ZNG1B: variants seen among roughly 807,000 people sequenced by gnomAD.
ZNG1B encodes Zn regulated GTPase metalloprotein activator 1B, also known as zinc-regulated GTPase metalloprotein activator 1B.
the ZNG1B span, among the ~76,000 whole-genome samples, chr2:113,442,239 A>G: frequency 2.0e-5 from 3 of 151,558 alleles, no homozygotes; most frequent in African/African-American, 7.3e-5. Context: ...ATCTGTGAAA[A>G]TAAGTGTGCT....
the ZNG1B span, among the ~76,000 whole-genome samples, chr2:113,479,817 C>CTTT: frequency 1.5e-5 from 2 of 135,652 alleles, no homozygotes; most frequent in Non-Finnish European, 3.2e-5. Context: ...ATTTGCCTTT[C>CTTT]TTTTTTTTTT....
chr2:113,485,982 G>A, the ZNG1B span, among the ~76,000 whole-genome samples: 25,830 of 122,982 alleles, frequency 0.21, 3,063 homozygotes, highest in East Asian at 0.43. Flanking sequence ...ATACATGGAA[G>A]AAGGAGTTAA....
the ZNG1B span, among the ~76,000 whole-genome samples, chr2:113,457,860 T>C: frequency 9.8e-5 from 14 of 143,126 alleles, no homozygotes; most frequent in Middle Eastern, 0.014. Flanking sequence ...CCATGACTTA[T>C]GCATCTTGTA....
chr2:113,457,881 T>G, the ZNG1B span, among the ~76,000 whole-genome samples: 1 of 143,770 alleles, frequency 7.0e-6, no homozygotes, highest in East Asian at 2.3e-4. Context: ...TAACAAACTT[T>G]GTATGCTTTG....
chr2:113,481,085 AT>A, the ZNG1B span, among the ~76,000 whole-genome samples: 1,006 of 124,896 alleles, frequency 8.1e-3, 4 homozygotes, highest in Non-Finnish European at 7.9e-3. Flanking sequence ...TCGTTGTTAG[AT>A]TTTTTTTTTT....
the ZNG1B span, among the ~76,000 whole-genome samples, chr2:113,477,205 G>A: frequency 6.6e-6 from 1 of 152,244 alleles, no homozygotes; most frequent in African/African-American, 2.4e-5. Flanking sequence ...GCCAGGTGCG[G>A]GATATAATCT....
At chr2:113,476,155 A>T in the ZNG1B span, among the ~76,000 whole-genome samples, 4 of 152,142 alleles carry the variant, frequency 2.6e-5, no homozygotes, top group Admixed American at 2.6e-4. Flanking sequence ...GTCTTTTCAC[A>T]TAGTCCCATA....
chr2:113,446,743 TACAC>T, the ZNG1B span, among the ~76,000 whole-genome samples: 2,121 of 125,726 alleles, frequency 0.017, 1 homozygote, highest in African/African-American at 0.054. Flanking sequence ...CAAGACTGTA[TACAC>T]ACACACACAC....
the ZNG1B span, chr2:113,466,052 A>C: frequency 1.0e-6 from 1 of 978,098 alleles, no homozygotes; most frequent in Non-Finnish European, 1.2e-6. Flanking sequence ...ATCTGCTGGC[A>C]GAGGTAGCAG....
chr2:113,466,833 G>T, the ZNG1B span: 1 of 941,978 alleles, frequency 1.1e-6, no homozygotes, highest in Non-Finnish European at 1.3e-6. Flanking sequence ...GGGAGGCCAA[G>T]GTGGGCGGAT....
At chr2:113,485,193 C>A in the ZNG1B span, among the ~76,000 whole-genome samples, 4 of 130,388 alleles carry the variant, frequency 3.1e-5, no homozygotes, top group Non-Finnish European at 6.4e-5. Flanking sequence ...TTTTTTTGAC[C>A]GGAAGAAGTA....
the ZNG1B span, among the ~76,000 whole-genome samples, chr2:113,472,316 C>G: frequency 6.6e-6 from 1 of 152,064 alleles, no homozygotes. Flanking sequence ...CCTTCACCCA[C>G]TTTTTGATGG....
At chr2:113,452,311 C>T in the ZNG1B span, among the ~76,000 whole-genome samples, 4 of 152,042 alleles carry the variant, frequency 2.6e-5, no homozygotes, top group African/African-American at 9.7e-5. Flanking sequence ...CTTGGGGGAC[C>T]ACATCTTGGC....
At chr2:113,469,831 A>G in the ZNG1B span, 1 of 149,314 alleles carries the variant, frequency 6.7e-6, no homozygotes, top group Non-Finnish European at 1.5e-5. Flanking sequence ...AGAAAAAAAA[A>G]TCTTGAATCT....
chr2:113,453,451 C>T, the ZNG1B span, among the ~76,000 whole-genome samples: 2 of 149,702 alleles, frequency 1.3e-5, no homozygotes, highest in East Asian at 2.0e-4. Context: ...CGGGGTTTCG[C>T]CATGTTGGCC....
chr2:113,446,285 T>C, the ZNG1B span, among the ~76,000 whole-genome samples: 1 of 152,114 alleles, frequency 6.6e-6, no homozygotes, highest in Admixed American at 6.5e-5. Flanking sequence ...CAGAGAAAGC[T>C]TTTATACAAA....
At chr2:113,477,274 C>G in the ZNG1B span, among the ~76,000 whole-genome samples, 2 of 152,150 alleles carry the variant, frequency 1.3e-5, no homozygotes, top group Non-Finnish European at 2.9e-5. Flanking sequence ...GGGAGTGACC[C>G]GATCTTCCAG....
chr2:113,454,766 A>G, the ZNG1B span: 4 of 1,574,528 alleles, frequency 2.5e-6, no homozygotes, highest in Non-Finnish European at 3.5e-6. Flanking sequence ...TGGATTCAAA[A>G]TATGGATTAA....
chr2:113,470,304 G>A, the ZNG1B span: 1 of 152,176 alleles, frequency 6.6e-6, no homozygotes, highest in Non-Finnish European at 1.5e-5. Flanking sequence ...TGTCCTCTGT[G>A]GTTTTCTGGG....
Sources: gnomAD v4.1 joint callset for allele counts (sites outside exome capture counted in the v4.1 genomes callset) on GRCh38, gnomAD v4.1.1 for gene constraint, MANE v1.5 for transcripts, NCBI Gene and HGNC (gene_info 2026-07-23, HGNC 2026-07-21) for gene names.